The following ACTR3B variants were observed in gnomAD, a reference collection of about 807,000 sequenced individuals.
The protein encoded by ACTR3B is actin-related protein 3B.
A neutral mutation model predicts 59.0 loss-of-function variants in ACTR3B; 8 were observed. The ratio of observed to expected loss-of-function variants is 0.14; its 90% CI spans 0.08 to 0.24. The LOEUF (loss-of-function observed/expected upper bound fraction) is 0.24, where lower values mean the gene tolerates loss of function less well. ACTR3B is among the 10% of genes least tolerant of loss of function. The probability of loss-of-function intolerance (pLI) is 1.00; values close to 1 mark genes in which losing one functional copy is unlikely to be tolerated. For missense variants in ACTR3B, 245 were observed against 552.3 expected, an observed-to-expected ratio of 0.44 and a Z score of 5.58; for synonymous variants, 148 against 197.9, an observed-to-expected ratio of 0.75 and a Z score of 2.12.
intron 2 of ACTR3B, among the ~76,000 whole-genome samples, chr7:152,787,928 A>T (rs1323777502): frequency 6.6e-6 from 1 of 151,312 alleles, no homozygotes; most frequent in Non-Finnish European, 1.5e-5. Flanking sequence ...TATTATTATT[A>T]TTTTTATTTT....
At chr7:152,820,788 G>A (rs1421164185) in intron 7 of ACTR3B, among the ~76,000 whole-genome samples, 3 of 152,228 alleles carry the variant, frequency 2.0e-5, no homozygotes, top group Non-Finnish European at 2.9e-5. Flanking sequence ...ATCAGGAGGC[G>A]ACCACAGCAG....
At chr7:152,781,536 A>G (rs1281948904) in intron 1 of ACTR3B, among the ~76,000 whole-genome samples, 4 of 152,310 alleles carry the variant, frequency 2.6e-5, no homozygotes, top group African/African-American at 9.6e-5. Context: ...AGGTGGATTT[A>G]TTTAAGCATA....
intron 2 of ACTR3B, among the ~76,000 whole-genome samples, chr7:152,789,921 A>G (rs1590259092): frequency 6.6e-6 from 1 of 151,976 alleles, no homozygotes; most frequent in African/African-American, 2.4e-5. Context: ...ATCATGAATG[A>G]CAGTGAGTAT....
At chr7:152,853,013 G>A (rs993011938) in intron 10 of ACTR3B, among the ~76,000 whole-genome samples, 23 of 151,944 alleles carry the variant, frequency 1.5e-4, no homozygotes, top group Admixed American at 4.6e-4. Context: ...GGATGGTCTC[G>A]ATCTCCTGAC....
intron 7 of ACTR3B, among the ~76,000 whole-genome samples, chr7:152,822,624 A>T (rs2116865342): frequency 6.6e-6 from 1 of 152,188 alleles, no homozygotes; most frequent in East Asian, 1.9e-4. Flanking sequence ...ATGGTTGCTT[A>T]TTGTTTTCTG....
At chr7:152,780,821 G>GT (rs1229117465) in intron 1 of ACTR3B, among the ~76,000 whole-genome samples, 1 of 142,426 alleles carries the variant, frequency 7.0e-6, no homozygotes, top group Non-Finnish European at 1.5e-5. Flanking sequence ...ATTGCTTTTT[G>GT]TTTGTTTTTT....
At chr7:152,768,190 TCC>T (rs2098115569) in intron 1 of ACTR3B, among the ~76,000 whole-genome samples, 1 of 152,252 alleles carries the variant, frequency 6.6e-6, no homozygotes, top group South Asian at 2.1e-4. Context: ...GCCACTGTAC[TCC>T]AGCCTGGGCA....
chr7:152,769,431 T>G (rs575892530), intron 1 of ACTR3B, among the ~76,000 whole-genome samples: 109 of 152,324 alleles, frequency 7.2e-4, no homozygotes, highest in African/African-American at 2.5e-3. Flanking sequence ...TCTCCTTGTG[T>G]TTGTCTGATA....
chr7:152,764,262 C>A (rs2098100599), intron 1 of ACTR3B, among the ~76,000 whole-genome samples: 1 of 152,140 alleles, frequency 6.6e-6, no homozygotes, highest in South Asian at 2.1e-4. Flanking sequence ...CCACCTCTGC[C>A]TCCCAAGGTG....
intron 2 of ACTR3B, among the ~76,000 whole-genome samples, chr7:152,794,368 C>T (rs1424193443): frequency 6.6e-6 from 1 of 152,108 alleles, no homozygotes; most frequent in Non-Finnish European, 1.5e-5. Context: ...CAGGTGCGCA[C>T]CACCATGCCC....
At chr7:152,831,458 A>T (rs1797024837) in intron 9 of ACTR3B, among the ~76,000 whole-genome samples, 1 of 152,036 alleles carries the variant, frequency 6.6e-6, no homozygotes, top group Non-Finnish European at 1.5e-5. Flanking sequence ...CTCGGTGGTG[A>T]TGGCAGTGTC....
At chr7:152,764,585 T>A (rs2098102015) in intron 1 of ACTR3B, among the ~76,000 whole-genome samples, 2 of 150,534 alleles carry the variant, frequency 1.3e-5, no homozygotes, top group Non-Finnish European at 3.0e-5. Context: ...AGGCGGAGGT[T>A]GCAGTGAGCT....
chr7:152,835,842 A>G (rs1797411247), intron 9 of ACTR3B, among the ~76,000 whole-genome samples: 1 of 152,060 alleles, frequency 6.6e-6, no homozygotes, highest in Non-Finnish European at 1.5e-5. Flanking sequence ...CCCGAAACAC[A>G]TCTCAAGAGG....
At chr7:152,807,707 T>G (rs2098256605) in intron 4 of ACTR3B, among the ~76,000 whole-genome samples, 2 of 152,232 alleles carry the variant, frequency 1.3e-5, no homozygotes. Flanking sequence ...ATGCTTTACA[T>G]TTGCATTTTT....
intron 9 of ACTR3B, among the ~76,000 whole-genome samples, chr7:152,829,916 G>T (rs1045816776): frequency 6.6e-6 from 1 of 152,134 alleles, no homozygotes; most frequent in Non-Finnish European, 1.5e-5. Context: ...TACCTACTAG[G>T]TACAAGACAC....
At position 152,786,955 on chromosome 7, in the gene ACTR3B, G is replaced by A. The variant is rs114840233; in HGVS notation, c.100+3713G>A. 8.8e-3 allele frequency among the ~76,000 whole-genome samples: 1,332 copies of A among 152,148 alleles called. 17 individuals carry two copies. The highest frequency in any genetic ancestry group is 0.03 in the African/African-American group (1,240 of 41,490). On this transcript the variant is annotated intron_variant, in intron 2 of 11. Coordinates refer to ENST00000256001, the MANE Select transcript of ACTR3B (RefSeq NM_020445.6). Reference sequence around the variant, plus strand: ...TATACAACAGTTTTTTTCCTTTTGGGCATTTTTCACAGTTCTCTGTTATAT... The same window carrying A: ...TATACAACAGTTTTTTTCCTTTTGGACATTTTTCACAGTTCTCTGTTATAT...
At chr7:152,821,613 A>G (rs1207213876) in intron 7 of ACTR3B, among the ~76,000 whole-genome samples, 6 of 151,626 alleles carry the variant, frequency 4.0e-5, no homozygotes, top group Admixed American at 2.0e-4. Flanking sequence ...TGGGCCTTCA[A>G]CTCTCCACAC....
At chr7:152,823,232 C>A in intron 7 of ACTR3B, 110 bp from the exon 8 acceptor site, 24 of 1,459,372 alleles carry the variant, frequency 1.6e-5, no homozygotes, top group Non-Finnish European at 2.1e-5. Flanking sequence ...ACGGTGGGGG[C>A]GGTTCTGATC....
At chr7:152,764,830 G>C (rs1012862952) in intron 1 of ACTR3B, among the ~76,000 whole-genome samples, 12 of 152,156 alleles carry the variant, frequency 7.9e-5, no homozygotes, top group African/African-American at 2.9e-4. Context: ...GAGGATGCCT[G>C]TGTCTTACAG....
Sources: gnomAD v4.1 joint callset for allele counts (sites outside exome capture counted in the v4.1 genomes callset) on GRCh38, gnomAD v4.1.1 for gene constraint, MANE v1.5 for transcripts, NCBI Gene and HGNC (gene_info 2026-07-23, HGNC 2026-07-21) for gene names.